The following STRN variants were observed in gnomAD, a reference collection of about 807,000 sequenced individuals.
The protein encoded by STRN is striatin.
A neutral mutation model predicts 96.3 loss-of-function variants in STRN; 53 were observed. The observed-to-expected ratio is 0.55, with a 90% CI of 0.44 to 0.69. STRN has a LOEUF of 0.69. STRN is among the 30% of genes least tolerant of loss of function. The pLI, the probability that STRN is intolerant of heterozygous loss-of-function variation, is 0.00. For synonymous variants in STRN, 428 were observed against 355.9 expected, an observed-to-expected ratio of 1.20 and a Z score of -2.28; for missense variants, 987 against 963.9, an observed-to-expected ratio of 1.02 and a Z score of -0.32.
chr2:36,878,395 T>C (rs905079566), intron 9 of STRN, among the ~76,000 whole-genome samples: 3 of 152,220 alleles, frequency 2.0e-5, no homozygotes, highest in Admixed American at 1.3e-4. Flanking sequence ...GTACAAGTGC[T>C]GGTCTCATTC....
At chr2:36,952,331 T>C (rs968804732) in intron 1 of STRN, among the ~76,000 whole-genome samples, 3 of 151,906 alleles carry the variant, frequency 2.0e-5, no homozygotes, top group Admixed American at 1.3e-4. Context: ...TCCTTGTGCC[T>C]GGAAGTCAGA....
intron 10 of STRN, among the ~76,000 whole-genome samples, chr2:36,874,680 C>A (rs1412911204): frequency 2.3e-5 from 2 of 85,418 alleles, no homozygotes; most frequent in South Asian, 7.8e-4. Context: ...TAGCAGAAAA[C>A]ATAAAAACAA....
In STRN at chr2:36,849,627, T is replaced by TA. The variant is rs1668169491; in HGVS notation, c.2174-3dup. 1 of 1,611,608 alleles carries TA rather than the reference T, an allele frequency of 6.2e-7. No individual in the cohort carries two copies. Among genetic ancestry groups the TA allele is most frequent in the African/African-American group, 1.3e-5 (1 of 74,568 alleles). On this transcript the variant is annotated splice_polypyrimidine_tract_variant and splice_region_variant and intron_variant, in intron 17 of 17. Coordinates refer to ENST00000263918, the MANE Select transcript of STRN (RefSeq NM_003162.4). The stretch of plus-strand genomic sequence containing the variant: ...ATAAACGTATTGAACAGTCATGACC[T>TA]ATATCCAAAAAAAAAATTAAAAGGA...
At chr2:36,929,750 C>T (rs1197147362) in intron 1 of STRN, among the ~76,000 whole-genome samples, 4 of 152,164 alleles carry the variant, frequency 2.6e-5, no homozygotes, top group Admixed American at 6.5e-5. Context: ...AAATTGAAAT[C>T]ACTGAGAAGT....
intron 1 of STRN, among the ~76,000 whole-genome samples, chr2:36,945,124 A>T (rs1471257712): frequency 3.9e-5 from 6 of 152,084 alleles, no homozygotes; most frequent in Non-Finnish European, 7.4e-5. Flanking sequence ...GGATCTTTTT[A>T]AAAAAAGAGA....
intron 7 of STRN, among the ~76,000 whole-genome samples, chr2:36,893,587 T>C (rs1669459097): frequency 6.6e-6 from 1 of 152,198 alleles, no homozygotes; most frequent in Non-Finnish European, 1.5e-5. Flanking sequence ...TAAAGTCTCA[T>C]AATCAATTTC....
At chr2:36,915,520 GGAAAAA>G (rs1670074268) in intron 3 of STRN, among the ~76,000 whole-genome samples, 1 of 151,624 alleles carries the variant, frequency 6.6e-6, no homozygotes, top group Non-Finnish European at 1.5e-5. Context: ...TGAAGAAGTA[GGAAAAA>G]GAAAAAGAAG....
chr2:36,940,456 T>C (rs1670816198), intron 1 of STRN, among the ~76,000 whole-genome samples: 1 of 151,964 alleles, frequency 6.6e-6, no homozygotes, highest in African/African-American at 2.4e-5. Context: ...ATATTAATAG[T>C]TGGTGAAGCT....
intron 12 of STRN, among the ~76,000 whole-genome samples, chr2:36,861,982 T>C (rs1249248104): frequency 6.6e-6 from 1 of 152,194 alleles, no homozygotes; most frequent in Admixed American, 6.5e-5. Context: ...TGTCCATGTA[T>C]ACTCAATGTT....
chr2:36,872,718 A>T (rs1027947447), intron 10 of STRN, among the ~76,000 whole-genome samples: 3 of 152,192 alleles, frequency 2.0e-5, no homozygotes, highest in African/African-American at 7.2e-5. Context: ...GTTCCATTAC[A>T]TACTGGATAA....
At chr2:36,920,626 A>T (rs1016222827) in intron 2 of STRN, among the ~76,000 whole-genome samples, 1 of 150,456 alleles carries the variant, frequency 6.6e-6, no homozygotes, top group South Asian at 2.1e-4. Context: ...CAACAAGAGC[A>T]AAACTCCGTC....
chr2:36,926,657 T>G (rs892931473), intron 1 of STRN, among the ~76,000 whole-genome samples: 1 of 152,172 alleles, frequency 6.6e-6, no homozygotes, highest in Non-Finnish European at 1.5e-5. Context: ...TTTCAAAATG[T>G]AGGTAGTTTG....
chr2:36,861,400 T>G, intron 12 of STRN, 147 bp from the exon 13 acceptor site: 2 of 1,100,460 alleles, frequency 1.8e-6, no homozygotes, highest in South Asian at 1.7e-5. Context: ...ATCAAAGCAC[T>G]GTTCATTTTT....
At chr2:36,913,405 C>T (rs926009957) in intron 3 of STRN, among the ~76,000 whole-genome samples, 1 of 152,162 alleles carries the variant, frequency 6.6e-6, no homozygotes, top group African/African-American at 2.4e-5. Context: ...GCTGCTAATA[C>T]TCTGCCTTTC....
chr2:36,934,766 T>A (rs1209926618), intron 1 of STRN, among the ~76,000 whole-genome samples: 1 of 152,074 alleles, frequency 6.6e-6, no homozygotes, highest in African/African-American at 2.4e-5. Flanking sequence ...TACTCACACA[T>A]CCTATGTTCC....
intron 1 of STRN, among the ~76,000 whole-genome samples, chr2:36,958,401 A>T (rs1664946959): frequency 6.6e-6 from 1 of 152,238 alleles, no homozygotes; most frequent in Non-Finnish European, 1.5e-5. Flanking sequence ...ATGTTTAAAG[A>T]ATTAAAGATG....
Position 36,851,062 on chromosome 2 carries a change from G to C in STRN, c.2024C>G (p.Thr675Ser). The change falls in exon 16 of 18, where the codon ACT becomes AGT. Residue 675 changes from threonine to serine, a missense_variant. Coordinates refer to ENST00000263918, the MANE Select transcript of STRN (RefSeq NM_003162.4). ...ATGAGCAGTGATGCTGATCGGAAGA[G>C]TAGGATGACTGATGACTCTATTTAT... ...CQINRVISHP[T>S]LPISITAHED... The C allele has an allele frequency of 1.9e-6, 3 of 1,613,890 alleles. No individual in the cohort carries two copies. Among genetic ancestry groups the C allele is most frequent in the Non-Finnish European group, 2.5e-6 (3 of 1,179,882 alleles).
chr2:36,882,187 A>T (rs539541585), intron 9 of STRN, among the ~76,000 whole-genome samples: 44 of 151,452 alleles, frequency 2.9e-4, no homozygotes, highest in South Asian at 1.0e-3. Flanking sequence ...GTAATTTATT[A>T]AAAAAAAACA....
intron 3 of STRN, among the ~76,000 whole-genome samples, chr2:36,912,077 T>A (rs902047767): frequency 6.6e-6 from 1 of 152,216 alleles, no homozygotes; most frequent in African/African-American, 2.4e-5. Flanking sequence ...CCTAACTTCC[T>A]ACATTCTCTC....
Sources: allele counts gnomAD v4.1 joint callset (sites outside exome capture counted in the v4.1 genomes callset), GRCh38; gene constraint gnomAD v4.1.1; transcripts MANE v1.5; gene names NCBI Gene and HGNC (gene_info 2026-07-23, HGNC 2026-07-21).